Variants in DPP6 observed in about 807,000 individuals in gnomAD.
DPP6 encodes the protein dipeptidyl peptidase like 6.
A neutral mutation model predicts 122.6 loss-of-function variants in DPP6; 69 were observed. That is an observed-to-expected ratio of 0.56 (90% CI 0.46 to 0.69). The LOEUF (loss-of-function observed/expected upper bound fraction) is 0.69, where lower values mean the gene tolerates loss of function less well. Among genes scored for constraint, DPP6 ranks in the 30% least tolerant of loss-of-function variants. DPP6 has a pLI of 0.00. For synonymous variants in DPP6, 418 were observed against 433.1 expected (o/e 0.97, Z 0.43); for missense variants, 928 against 1,116.9 (o/e 0.83, Z 2.41).
intron 1 of DPP6, among the ~76,000 whole-genome samples, chr7:154,076,032 C>A (rs1349144037): frequency 2.0e-5 from 3 of 151,350 alleles, no homozygotes; most frequent in African/African-American, 2.4e-5. Context: ...GTTATCTGTC[C>A]TTCAGCGTGT....
At chr7:153,884,657 A>G (rs562042879), upstream of DPP6, among the ~76,000 whole-genome samples, 15 of 152,288 alleles carry the variant, frequency 9.8e-5, no homozygotes, top group Middle Eastern at 3.4e-3. Context: ...GATAATTTGA[A>G]GGAAACTATA....
intron 1 of DPP6, among the ~76,000 whole-genome samples, chr7:154,276,088 A>G (rs576383473): frequency 5.8e-4 from 89 of 152,380 alleles, no homozygotes; most frequent in Non-Finnish European, 9.6e-4. Context: ...TACGCTGTGC[A>G]TGAGAATGAG....
chr7:154,283,428 T>C (rs570425907), intron 1 of DPP6, among the ~76,000 whole-genome samples: 5 of 151,998 alleles, frequency 3.3e-5, no homozygotes. Flanking sequence ...ACACGGTACT[T>C]GTTAGTAAGA....
At chr7:154,232,459 C>A (rs2150853790) in intron 1 of DPP6, among the ~76,000 whole-genome samples, 1 of 152,314 alleles carries the variant, frequency 6.6e-6, no homozygotes, top group East Asian at 1.9e-4. Flanking sequence ...TAAGTACCAT[C>A]AGAACAAGAA....
chr7:154,181,329 G>A (rs944545996), intron 1 of DPP6, among the ~76,000 whole-genome samples: 3 of 152,146 alleles, frequency 2.0e-5, no homozygotes, highest in Non-Finnish European at 4.4e-5. Context: ...GTGGTGACAA[G>A]GCATCATGGG....
chr7:154,300,205 G>A (rs545788367), intron 1 of DPP6, among the ~76,000 whole-genome samples: 4 of 152,318 alleles, frequency 2.6e-5, no homozygotes, highest in South Asian at 4.1e-4. Flanking sequence ...CCCATGCCCC[G>A]CCAGGCTCCA....
chr7:154,426,559 C>CAT (rs1442264042), intron 1 of DPP6, among the ~76,000 whole-genome samples: 3 of 152,038 alleles, frequency 2.0e-5, no homozygotes, highest in Non-Finnish European at 4.4e-5. Flanking sequence ...GGGTGCATCT[C>CAT]ATTAGAACGT....
At chr7:154,459,805 CAAAAAAAAA>C (rs775605275) in intron 2 of DPP6, among the ~76,000 whole-genome samples, 1 of 63,080 alleles carries the variant, frequency 1.6e-5, no homozygotes, top group South Asian at 4.9e-4. Context: ...GATTCCATCT[CAAAAAAAAA>C]AAAAAAAAAA....
chr7:154,892,064 G>A (rs1001732193), intron 25 of DPP6, among the ~76,000 whole-genome samples: 5 of 152,184 alleles, frequency 3.3e-5, no homozygotes, highest in African/African-American at 7.2e-5. Context: ...CACCGGGGGC[G>A]TGGTGGTGTT....
At chr7:153,759,329 T>A in the DPP6 span, among the ~76,000 whole-genome samples, 2 of 151,940 alleles carry the variant, frequency 1.3e-5, no homozygotes, top group African/African-American at 4.8e-5. Context: ...AAATCTTTTT[T>A]TTTTTTTGAG....
chr7:154,671,639 A>ATGTGTGTG (rs3837063), intron 7 of DPP6, among the ~76,000 whole-genome samples: 1 of 151,554 alleles, frequency 6.6e-6, no homozygotes, highest in African/African-American at 2.4e-5. Context: ...GTGCATGCAT[A>ATGTGTGTG]TGTGTGTGTG....
chr7:154,883,114 C>T (rs922501799), intron 21 of DPP6, among the ~76,000 whole-genome samples: 1 of 150,602 alleles, frequency 6.6e-6, no homozygotes, highest in Non-Finnish European at 1.5e-5. Context: ...CTCTCACATA[C>T]ATGTGCTCAC....
At chr7:153,905,346 G>GA (rs1799804482) in intron 1 of DPP6, among the ~76,000 whole-genome samples, 1 of 152,160 alleles carries the variant, frequency 6.6e-6, no homozygotes, top group Admixed American at 6.5e-5. Flanking sequence ...AGAAGAGCAG[G>GA]AGGGGGAGTG....
chr7:154,193,321 T>G (rs1172529024), intron 1 of DPP6, among the ~76,000 whole-genome samples: 1 of 152,218 alleles, frequency 6.6e-6, no homozygotes, highest in African/African-American at 2.4e-5. Flanking sequence ...GTAGATAGAT[T>G]CCTATTTTCA....
intron 5 of DPP6, among the ~76,000 whole-genome samples, chr7:154,575,882 G>A (rs1393726188): frequency 2.6e-5 from 4 of 151,894 alleles, no homozygotes; most frequent in African/African-American, 9.7e-5. Context: ...GCATTCCAGC[G>A]GATCTACAGG....
intron 1 of DPP6, among the ~76,000 whole-genome samples, chr7:154,020,239 G>A (rs1191804755): frequency 8.6e-5 from 13 of 151,944 alleles, no homozygotes; most frequent in East Asian, 1.9e-4. Context: ...AGATAAAAGC[G>A]TGATAGAGCA....
chr7:154,431,269 G>T (rs1428256752), intron 1 of DPP6, among the ~76,000 whole-genome samples: 1 of 151,962 alleles, frequency 6.6e-6, no homozygotes, highest in Admixed American at 6.6e-5. Context: ...ACCAGCTCAG[G>T]GCTGCTCCAG....
intron 20 of DPP6, among the ~76,000 whole-genome samples, chr7:154,880,378 C>T (rs1489795709): frequency 1.3e-5 from 2 of 152,248 alleles, no homozygotes; most frequent in Non-Finnish European, 2.9e-5. Flanking sequence ...CAAACAGGTA[C>T]AAGACAGGGG....
chr7:153,910,260 C>T (rs1800027008), intron 1 of DPP6, among the ~76,000 whole-genome samples: 2 of 91,482 alleles, frequency 2.2e-5, no homozygotes, highest in South Asian at 3.0e-4. Flanking sequence ...GATGGAGTCT[C>T]GCTCTGTCAC....
Sources: allele counts gnomAD v4.1 joint callset (sites outside exome capture counted in the v4.1 genomes callset), GRCh38; gene constraint gnomAD v4.1.1; transcripts MANE v1.5; gene names NCBI Gene and HGNC (gene_info 2026-07-23, HGNC 2026-07-21).